Variants in CLIP4 observed in about 807,000 individuals in gnomAD.
CLIP4 encodes the protein CAP-Gly domain-containing linker protein 4.
A neutral mutation model predicts 73.1 loss-of-function variants in CLIP4; 47 were observed. The ratio of observed to expected loss-of-function variants is 0.64; its 90% confidence interval spans 0.51 to 0.82. The LOEUF (loss-of-function observed/expected upper bound fraction) is 0.82, where lower values mean the gene tolerates loss of function less well. Ranked by LOEUF, CLIP4 falls within the 40% of genes least tolerant of loss-of-function variation. The pLI, the probability that CLIP4 is intolerant of heterozygous loss-of-function variation, is 0.00. For synonymous variants in CLIP4, 306 were observed against 295.4 expected, an observed-to-expected ratio of 1.04 and a Z score of -0.37; for missense variants, 874 against 852.9, an observed-to-expected ratio of 1.02 and a Z score of -0.31.
intron 12 of CLIP4, 45 bp downstream of exon 12, chr2:29,160,512 A>C: frequency 6.3e-7 from 1 of 1,592,096 alleles, no homozygotes; most frequent in Non-Finnish European, 8.6e-7. Context: ...TTTAGAGTAC[A>C]AAAGGTTTAA....
chr2:29,119,392 AT>A (rs955174974), intron 1 of CLIP4, among the ~76,000 whole-genome samples: 14 of 151,646 alleles, frequency 9.2e-5, no homozygotes, highest in South Asian at 2.1e-4. Flanking sequence ...ATCACTTAAA[AT>A]TTTTTTTTTT....
intron 6 of CLIP4, among the ~76,000 whole-genome samples, chr2:29,142,405 A>G (rs1665834711): frequency 6.6e-6 from 1 of 152,190 alleles, no homozygotes; most frequent in South Asian, 2.1e-4. Flanking sequence ...ACAAAAGTCC[A>G]AAGTAAAATA....
At chr2:29,171,211 GTC>G (rs1384991781) in intron 14 of CLIP4, among the ~76,000 whole-genome samples, 2 of 152,104 alleles carry the variant, frequency 1.3e-5, no homozygotes, top group African/African-American at 4.8e-5. Flanking sequence ...TTAATATTTA[GTC>G]TTTTTACCTA....
chr2:29,129,108 A>G (rs185938405), intron 2 of CLIP4, among the ~76,000 whole-genome samples: 1 of 152,208 alleles, frequency 6.6e-6, no homozygotes, highest in Non-Finnish European at 1.5e-5. Context: ...ATAGCTAAGC[A>G]TCATCTTGTT....
intron 13 of CLIP4, among the ~76,000 whole-genome samples, chr2:29,166,588 A>G (rs939217773): frequency 2.0e-5 from 3 of 151,794 alleles, no homozygotes; most frequent in Admixed American, 6.6e-5. Context: ...CATTAGCATA[A>G]TATTCACTTT....
intron 1 of CLIP4, among the ~76,000 whole-genome samples, chr2:29,108,241 C>A (rs1558505477): frequency 6.6e-6 from 1 of 152,156 alleles, no homozygotes; most frequent in Admixed American, 6.5e-5. Context: ...TGAAATATAA[C>A]AATTATACCA....
At position 29,181,662 on chromosome 2, in the gene CLIP4, C is replaced by T; in HGVS notation, c.1887C>T (p.Val629=). 6.2e-7 allele frequency: 1 copy of T among 1,614,174 alleles called. No individual in the cohort carries two copies. Among genetic ancestry groups the T allele is most frequent in the South Asian group, 1.1e-5 (1 of 91,078 alleles). Reference sequence around the variant, plus strand: ...TGAAGCTGCACGAGGGGTCTCAGGTCCTGCTCACGAGCTCCAATGAGATGG... The same window carrying T: ...TGAAGCTGCACGAGGGGTCTCAGGTTCTGCTCACGAGCTCCAATGAGATGG... The part of the protein sequence containing the change: ...GSVKLHEGSQ[V]LLTSSNEMGT... The change falls in exon 16 of 16, where the codon GTC becomes GTT. Residue 629 remains valine (V), a synonymous_variant. Coordinates refer to ENST00000320081, the MANE Select transcript of CLIP4 (RefSeq NM_024692.6).
At chr2:29,158,555 G>T (rs1361295803) in intron 11 of CLIP4, among the ~76,000 whole-genome samples, 1 of 152,156 alleles carries the variant, frequency 6.6e-6, no homozygotes, top group Admixed American at 6.5e-5. Context: ...GAAAGTCTGT[G>T]TTGGGAACCC....
chr2:29,175,475 G>A (rs1668270253), intron 15 of CLIP4: 2 of 152,226 alleles, frequency 1.3e-5, no homozygotes, highest in Non-Finnish European at 2.9e-5. Context: ...AAACACCCAG[G>A]ACATAAAGGA....
In CLIP4 at chr2:29,125,426, G is replaced by A. The variant is rs560127708; in HGVS notation, c.133+3905G>A. On this transcript the variant is annotated intron_variant, in intron 2 of 15. Transcript: ENST00000320081. ...TCTCTGGGTTTCTCTTGGAGTGTGTGCATCCATCTCTGCTGTATTCTGCCC... is the reference window on the plus strand; with the variant it reads ...TCTCTGGGTTTCTCTTGGAGTGTGTACATCCATCTCTGCTGTATTCTGCCC... Among the ~76,000 whole-genome samples the A allele has an allele frequency of 6.6e-5, 10 of 152,266 alleles. No individual in the cohort carries two copies. In the East Asian group the frequency reaches 1.9e-3, roughly 29 times the overall value.
At chr2:29,146,728 G>A (rs1039229498) in intron 8 of CLIP4, among the ~76,000 whole-genome samples, 1 of 152,102 alleles carries the variant, frequency 6.6e-6, no homozygotes, top group African/African-American at 2.4e-5. Flanking sequence ...TGTGTGATTC[G>A]ATTTCTTTAC....
Position 29,145,267 on chromosome 2 carries a change from T to C in CLIP4, c.921T>C (p.Phe307=), listed in dbSNP as rs1004109994. 10 of 1,613,674 alleles carry C rather than the reference T, an allele frequency of 6.2e-6. No individual in the cohort carries two copies. Among genetic ancestry groups the C allele is most frequent in the Non-Finnish European group, 8.5e-6 (10 of 1,179,824 alleles). The change falls in exon 8 of 16, where the codon TTT becomes TTC. Residue 307 remains phenylalanine, a synonymous_variant. Transcript: ENST00000320081. ...GTLRFCGTTE[F]ASGQWAGIEL... is the part of the protein sequence containing the mutation. Reference sequence around the variant, plus strand: ...TAAGATTTTGTGGAACAACTGAATTTGCAAGTGGGCAGTGGGCTGGCATTG... The same window carrying C: ...TAAGATTTTGTGGAACAACTGAATTCGCAAGTGGGCAGTGGGCTGGCATTG...
At chr2:29,168,745 A>G (rs905363184) in intron 14 of CLIP4, among the ~76,000 whole-genome samples, 8 of 151,536 alleles carry the variant, frequency 5.3e-5, no homozygotes, top group Admixed American at 4.6e-4. Context: ...GATGGTCTCC[A>G]TCTCCTGACC....
At position 29,148,734 on chromosome 2, in the gene CLIP4, G is replaced by T. The variant is rs180928260; in HGVS notation, c.1021+3367G>T. Among the ~76,000 whole-genome samples the T allele has an allele frequency of 7.9e-5, 12 of 152,294 alleles. 1 individual carries two copies. In the East Asian group the frequency reaches 2.3e-3, roughly 29 times the overall value. On this transcript the variant is annotated intron_variant, in intron 8 of 15. Transcript: ENST00000320081. ...ACATCTAGTGAGTTTGTACTATGAA[G>T]AGAGAGATTTAGTTCTCTACATGAG...
intron 6 of CLIP4, among the ~76,000 whole-genome samples, chr2:29,137,469 G>A (rs938534566): frequency 3.3e-5 from 5 of 152,060 alleles, no homozygotes; most frequent in African/African-American, 7.2e-5. Flanking sequence ...ATTATGAATC[G>A]TGCTGTGAAA....
chr2:29,152,775 T>C lies in CLIP4; in HGVS notation c.1112T>C (p.Leu371Pro). 6.2e-7 allele frequency: 1 copy of C among 1,613,856 alleles called. No individual in the cohort carries two copies. The highest frequency in any genetic ancestry group is 2.2e-5 in the East Asian group (1 of 44,834). Residue 371 changes from leucine to proline, a missense_variant, in exon 9 of 16, where the codon CTC becomes CCC. Leu to Pro is a moderately conservative substitution (Grantham distance 98). Transcript: ENST00000320081. Reference protein sequence around the residue: ...HTPSTKAAVPLIRSQKIDVAH... With the variant: ...HTPSTKAAVPPIRSQKIDVAH... ...CCTTCTACAAAAGCTGCTGTACCTCTCATCAGGTCCCAGAAAATTGACGTA... is the reference window on the plus strand; with the variant it reads ...CCTTCTACAAAAGCTGCTGTACCTCCCATCAGGTCCCAGAAAATTGACGTA...
At chr2:29,120,478 C>T (rs1404255702) in intron 1 of CLIP4, among the ~76,000 whole-genome samples, 1 of 152,096 alleles carries the variant, frequency 6.6e-6, no homozygotes, top group African/African-American at 2.4e-5. Flanking sequence ...CAGATCAAGC[C>T]ATTGATTACC....
intron 2 of CLIP4, among the ~76,000 whole-genome samples, chr2:29,126,269 G>A (rs1330038844): frequency 6.6e-6 from 1 of 152,196 alleles, no homozygotes; most frequent in Non-Finnish European, 1.5e-5. Context: ...TTTCCTTTAT[G>A]GAAGTTGAAA....
chr2:29,129,564 A>G (rs901672077), intron 2 of CLIP4, among the ~76,000 whole-genome samples: 2 of 152,078 alleles, frequency 1.3e-5, no homozygotes, highest in African/African-American at 4.8e-5. Context: ...CTGGATCCAA[A>G]TTGTACCTGT....
Sources: allele counts gnomAD v4.1 joint callset (sites outside exome capture counted in the v4.1 genomes callset), GRCh38; gene constraint gnomAD v4.1.1; transcripts MANE v1.5; gene names NCBI Gene and HGNC (gene_info 2026-07-23, HGNC 2026-07-21).